Variants in TCF21 observed in about 807,000 individuals in gnomAD.
TCF21 encodes the protein capsulin.
A neutral mutation model predicts 13.5 loss-of-function variants in TCF21; 3 were observed. The ratio of observed to expected loss-of-function variants is 0.22; its 90% CI spans 0.10 to 0.57. The LOEUF is 0.57. Among genes scored for constraint, TCF21 ranks in the 20% least tolerant of loss-of-function variants. TCF21 has a pLI of 0.92. For missense variants in TCF21, 181 were observed against 238.4 expected, an observed-to-expected ratio of 0.76 and a Z score of 1.59; for synonymous variants, 92 against 101.7, an observed-to-expected ratio of 0.90 and a Z score of 0.57.
At chr6:133,892,967 T>A (rs1288688126), downstream of TCF21, 1 of 152,240 alleles carries the variant, frequency 6.6e-6, no homozygotes, top group Admixed American at 6.5e-5. Flanking sequence ...GCTCCCTCAC[T>A]GCCCCAGCGC....
chr6:133,893,183 C>T (rs575008880), downstream of TCF21: 68 of 152,352 alleles, frequency 4.5e-4, no homozygotes, highest in African/African-American at 1.5e-3. Context: ...AGCTTCTCCG[C>T]CCTTCCACCA....
chr6:133,890,019 C>G (rs900852230), intron 1 of TCF21, among the ~76,000 whole-genome samples, 172 bp downstream of exon 1: 1 of 152,162 alleles, frequency 6.6e-6, no homozygotes, highest in Non-Finnish European at 1.5e-5. Flanking sequence ...GGTCTAGACA[C>G]GGCCCTCGCT....
At chr6:133,894,482 A>T (rs2114567441), downstream of TCF21, 2 of 152,396 alleles carry the variant, frequency 1.3e-5, 1 homozygote. Flanking sequence ...CAAGGTGGGA[A>T]TGACTGGGTG....
chr6:133,894,951 C>A (rs868683371), downstream of TCF21: 1 of 152,090 alleles, frequency 6.6e-6, no homozygotes, highest in Non-Finnish European at 1.5e-5. Context: ...AGCGAGTCTG[C>A]AAGTTCTCAG....
Position 133,889,598 on chromosome 6 carries a change from C to G in TCF21, c.201C>G (p.Ser67Arg). The G allele has an allele frequency of 6.2e-7, 1 of 1,613,872 alleles. No homozygotes were observed. The highest frequency in any genetic ancestry group is 8.5e-7 in the Non-Finnish European group (1 of 1,179,928). ...GKRRKAPTKK[S>R]PLSGVSQEGK... ...GGAGGAAGGCGCCCACCAAGAAGAG[C>G]CCCCTGAGCGGGGTCAGCCAGGAGG... The change falls in exon 1 of 2, where the codon AGC becomes AGG. Residue 67 changes from serine (S) to arginine (R), a missense_variant. Ser to Arg is a moderately radical substitution (Grantham distance 110). Around this residue, in one of 3 missense-constraint regions of TCF21, gnomAD observed 91 missense variants for 98.5 expected, o/e 0.92. Coordinates refer to ENST00000367882, the MANE Select transcript of TCF21 (RefSeq NM_003206.4). The surrounding 1 kb of genome is among the most constrained non-coding windows in gnomAD (Gnocchi z 5.1).
Position 133,889,921 on chromosome 6 carries a change from C to A in TCF21, c.450+74C>A. ...CGCCTGCGGTGGGCGCGAGTGCGCG[C>A]GGGGCTGGGAGTGGGGGTGTGGGCG... On this transcript the variant is annotated intron_variant, in intron 1 of 1. Coordinates refer to ENST00000367882, the MANE Select transcript of TCF21 (RefSeq NM_003206.4). This position sits in a 1 kb window ranked among gnomAD's most constrained non-coding sequence, Gnocchi z 5.1. 6.4e-7 allele frequency: 1 copy of A among 1,552,096 alleles called. No homozygotes were observed. The highest frequency in any genetic ancestry group is 8.9e-7 in the Non-Finnish European group (1 of 1,127,614).
chr6:133,891,978 A>T lies in TCF21; in HGVS notation c.*176A>T. ...GAGATTCGTTTCCAAACCAGAGGAG[A>T]TCAATTGTACTTACAAAGATTCCCA... On this transcript the variant is annotated 3_prime_UTR_variant, in exon 2 of 2. Coordinates refer to ENST00000367882, the MANE Select transcript of TCF21 (RefSeq NM_003206.4). The T allele has an allele frequency of 1.6e-6, 1 of 621,310 alleles. No homozygotes were observed. The highest frequency in any genetic ancestry group is 2.8e-6 in the Non-Finnish European group (1 of 358,894). 38.5% of individuals were successfully genotyped at this position (621,310 alleles called of 1,614,324 possible).
At chr6:133,895,011 C>T (rs58852212), downstream of TCF21, 2 of 143,132 alleles carry the variant, frequency 1.4e-5, no homozygotes, top group South Asian at 2.2e-4. Flanking sequence ...TCCTCTCTCT[C>T]GCTCTCTCTC....
downstream of TCF21, chr6:133,894,443 C>T (rs1775269889): frequency 6.6e-6 from 1 of 152,246 alleles, no homozygotes; most frequent in Non-Finnish European, 1.5e-5. Context: ...CTCAGGTCCC[C>T]ATGGTTGTCC....
In TCF21 at chr6:133,889,141, C is replaced by T; in HGVS notation, c.-257C>T. 1 of 558,594 alleles carries T rather than the reference C, an allele frequency of 1.8e-6. No homozygotes were observed. Among genetic ancestry groups the T allele is most frequent in the Non-Finnish European group, 3.2e-6 (1 of 311,910 alleles). The allele number at this position is 558,594 out of a possible 1,614,324, so 34.6% of individuals were successfully genotyped here. A position where few individuals can be genotyped will look rare whatever the true frequency, so the allele number is the denominator to read the frequency against. ...GCTCGCTCACCCTCCTCTACGGCCA[C>T]GACTCTGGGAGTGGGGAAACAGAGA... On this transcript the variant is annotated 5_prime_UTR_variant, in exon 1 of 2. In the 5' UTR this introduces an upstream ATG that the reference lacks. Coordinates refer to ENST00000367882, the MANE Select transcript of TCF21 (RefSeq NM_003206.4). This position sits in a 1 kb window ranked among gnomAD's most constrained non-coding sequence, Gnocchi z 5.1.
intron 1 of TCF21, 55 bp from the exon 2 acceptor site, chr6:133,891,658 A>G (rs969255500): frequency 2.0e-6 from 2 of 997,156 alleles, no homozygotes; most frequent in African/African-American, 5.4e-5. Context: ...CCCCGAGTCC[A>G]CCCCACCCCC....
chr6:133,891,562 C>A, intron 1 of TCF21, 151 bp from the exon 2 acceptor site: 1 of 825,764 alleles, frequency 1.2e-6, no homozygotes, highest in Non-Finnish European at 2.0e-6. Context: ...CCGCAGGGTG[C>A]GCTAGGACCG....
rs1775159768 is a variant in TCF21 at position 133,889,148 on chromosome 6, G to T, written c.-250G>T. Reference sequence around the variant, plus strand: ...CACCCTCCTCTACGGCCACGACTCTGGGAGTGGGGAAACAGAGAGCCGGTT... The same window carrying T: ...CACCCTCCTCTACGGCCACGACTCTTGGAGTGGGGAAACAGAGAGCCGGTT... On this transcript the variant is annotated 5_prime_UTR_variant, in exon 1 of 2. Transcript: ENST00000367882. This position sits in a 1 kb window ranked among gnomAD's most constrained non-coding sequence, Gnocchi z 5.1. 1 of 567,776 alleles carries T rather than the reference G, an allele frequency of 1.8e-6. No homozygotes were observed. The highest frequency in any genetic ancestry group is 1.9e-5 in the African/African-American group (1 of 53,142). The allele number at this position is 567,776 out of a possible 1,614,324, so 35.2% of individuals were successfully genotyped here. A position where few individuals can be genotyped will look rare whatever the true frequency, so the allele number is the denominator to read the frequency against.
chr6:133,895,093 C>T (rs1775280945), downstream of TCF21: 1 of 152,138 alleles, frequency 6.6e-6, no homozygotes, highest in Admixed American at 6.5e-5. Context: ...GGCTTTCCCA[C>T]TGTCAAACAG....
downstream of TCF21, chr6:133,894,062 C>T (rs776574149): frequency 6.6e-6 from 1 of 152,134 alleles, no homozygotes; most frequent in Non-Finnish European, 1.5e-5. Context: ...GGAAAAGCTC[C>T]GTGAAAATGT....
At chr6:133,890,805 A>AG (rs1179705918) in intron 1 of TCF21, among the ~76,000 whole-genome samples, 1 of 152,242 alleles carries the variant, frequency 6.6e-6, no homozygotes, top group Non-Finnish European at 1.5e-5. Flanking sequence ...CAGTAGTGAG[A>AG]GGGGTCTGAA....
chr6:133,894,761 C>T (rs1390117919), downstream of TCF21: 1 of 152,282 alleles, frequency 6.6e-6, no homozygotes, highest in Non-Finnish European at 1.5e-5. Flanking sequence ...ATGGGGAACT[C>T]CCTTGGCCTC....
chr6:133,891,907 G>T lies in TCF21; in HGVS notation c.*105G>T, dbSNP rs1775225869. On this transcript the variant is annotated 3_prime_UTR_variant, in exon 2 of 2. Coordinates refer to ENST00000367882, the MANE Select transcript of TCF21 (RefSeq NM_003206.4). ...TCTGTCTCTGCTTCCCCCTCGCAAT[G>T]CTCCTCTCTCTGTCCCACCCCGCGA... 1.7e-6 allele frequency: 2 copies of T among 1,193,912 alleles called. No individual in the cohort carries two copies. The highest frequency in any genetic ancestry group is 2.4e-6 in the Non-Finnish European group (2 of 835,634). The allele number at this position is 1,193,912 out of a possible 1,614,324, so 74.0% of individuals were successfully genotyped here. A position where few individuals can be genotyped will look rare whatever the true frequency, so the allele number is the denominator to read the frequency against.
At position 133,889,912 on chromosome 6, in the gene TCF21, G is replaced by T. The variant is rs1178829353; in HGVS notation, c.450+65G>T. On this transcript the variant is annotated intron_variant, in intron 1 of 1. Coordinates refer to ENST00000367882, the MANE Select transcript of TCF21 (RefSeq NM_003206.4). The surrounding 1 kb of genome is among the most constrained non-coding windows in gnomAD (Gnocchi z 5.1). ...CCGCACTCCCGCCTGCGGTGGGCGC[G>T]AGTGCGCGCGGGGCTGGGAGTGGGG... 3 of 1,577,768 alleles carry T rather than the reference G, an allele frequency of 1.9e-6. No individual in the cohort carries two copies. The African/African-American group carries it at 4.1e-5, about 21-fold the overall frequency.
Sources: allele counts gnomAD v4.1 joint callset (sites outside exome capture counted in the v4.1 genomes callset), GRCh38; gene constraint gnomAD v4.1.1; regional missense constraint gnomAD v4.1.1; non-coding constraint Gnocchi (gnomAD v3.1); transcripts MANE v1.5; gene names NCBI Gene and HGNC (gene_info 2026-07-23, HGNC 2026-07-21).